Variants in PDCD10 observed in about 807,000 individuals in gnomAD.
PDCD10 encodes the protein programmed cell death 10.
In PDCD10, 4 loss-of-function variants were observed where a neutral mutation model predicts 29.2. The observed-to-expected ratio is 0.14, with a 90% CI of 0.07 to 0.31. The LOEUF is 0.31. Ranked by LOEUF, PDCD10 falls within the 10% of genes least tolerant of loss-of-function variation. The pLI is 1.00. For synonymous variants in PDCD10, 70 were observed against 82.2 expected (o/e 0.85, Z 0.80); for missense variants, 183 against 257.9 (o/e 0.71, Z 1.99).
intron 2 of PDCD10, among the ~76,000 whole-genome samples, chr3:167,731,500 A>G (rs2108512566): frequency 6.6e-6 from 1 of 152,346 alleles, no homozygotes; most frequent in South Asian, 2.1e-4. Context: ...CTCATTTGAA[A>G]GTTCTTATAT....
chr3:167,702,807 AT>A (rs1486996036), intron 4 of PDCD10, among the ~76,000 whole-genome samples: 1 of 152,170 alleles, frequency 6.6e-6, no homozygotes, highest in Non-Finnish European at 1.5e-5. Flanking sequence ...CATTTTTAAC[AT>A]GTCCTCCTTC....
rs1719763730 is a variant in PDCD10 at position 167,687,684 on chromosome 3, A to G, written c.405T>C (p.Ala135=). The G allele has an allele frequency of 1.9e-6, 3 of 1,541,844 alleles. No individual in the cohort carries two copies. Among genetic ancestry groups the G allele is most frequent in the Middle Eastern group, 1.7e-4 (1 of 5,960 alleles). ...TATCAAGAAGTTCTTTTATTGCACT[A>G]GCTATATCCCTGTTGGGAAAAGAAT... ...VRFLQTIKDI[A]SAIKELLDTV... The change falls in exon 7 of 9, where the codon GCT becomes GCC. Residue 135 remains alanine (A), a synonymous_variant. Coordinates refer to ENST00000392750, the MANE Select transcript of PDCD10 (RefSeq NM_007217.4).
At chr3:167,696,988 C>T in intron 5 of PDCD10, 21 bp downstream of exon 5, 1 of 1,182,546 alleles carries the variant, frequency 8.5e-7, no homozygotes, top group Non-Finnish European at 1.3e-6. Flanking sequence ...ATAACTTAAA[C>T]AAGGTTCTTC....
intron 5 of PDCD10, 95 bp downstream of exon 5, chr3:167,696,914 G>A (rs1428248730): frequency 1.0e-5 from 8 of 780,852 alleles, no homozygotes; most frequent in African/African-American, 1.7e-5. Context: ...AGGGAAAACA[G>A]TAGGGAAGGA....
intron 2 of PDCD10, among the ~76,000 whole-genome samples, chr3:167,731,957 C>G (rs1411086800): frequency 6.6e-6 from 1 of 151,992 alleles, no homozygotes. Context: ...TAAAGGCCAC[C>G]AAGTCAGGAA....
In PDCD10 at chr3:167,699,750, G is replaced by C. The variant is rs903760546; in HGVS notation, c.151-2624C>G. ...ATCGGAACCTCTCATAGAGGATAAG[G>C]GGGAGAGGGAATCAAGTAGAATATA... On this transcript the variant is annotated intron_variant, in intron 4 of 8. Coordinates refer to ENST00000392750, the MANE Select transcript of PDCD10 (RefSeq NM_007217.4). Among the ~76,000 whole-genome samples, 43 of 152,164 alleles carry C rather than the reference G, an allele frequency of 2.8e-4. 1 individual carries two copies. Among genetic ancestry groups the C allele is most frequent in the Admixed American group, 2.8e-3 (42 of 15,272 alleles).
chr3:167,734,730 T>C lies in PDCD10; in HGVS notation c.-322A>G, dbSNP rs1194842329. On this transcript the variant is annotated 5_prime_UTR_variant, in exon 1 of 9. It removes an upstream start codon present in the reference 5' UTR. Transcript: ENST00000392750. Reference sequence around the variant, plus strand: ...GAACCAAGCCCAAGTGCCTCAGCCATGGCCCCTGCGTGACCCTAGACCTCT... The same window carrying C: ...GAACCAAGCCCAAGTGCCTCAGCCACGGCCCCTGCGTGACCCTAGACCTCT... 1 of 154,452 alleles carries C rather than the reference T, an allele frequency of 6.5e-6. No individual in the cohort carries two copies. The highest frequency in any genetic ancestry group is 1.4e-5 in the Non-Finnish European group (1 of 69,546). 9.6% of individuals were successfully genotyped at this position (154,452 alleles called of 1,614,324 possible).
intron 4 of PDCD10, among the ~76,000 whole-genome samples, chr3:167,703,966 G>A (rs531509703): frequency 1.3e-5 from 2 of 151,994 alleles, no homozygotes; most frequent in Admixed American, 6.6e-5. Context: ...ATTTTAACTT[G>A]GAACATATCT....
At chr3:167,699,246 A>T (rs1359037080) in intron 4 of PDCD10, among the ~76,000 whole-genome samples, 1 of 152,294 alleles carries the variant, frequency 6.6e-6, no homozygotes, top group East Asian at 1.9e-4. Flanking sequence ...CAAAAAGTCC[A>T]GCTTCTCAAT....
chr3:167,716,251 G>A (rs1202384171), intron 3 of PDCD10, among the ~76,000 whole-genome samples: 2 of 151,872 alleles, frequency 1.3e-5, no homozygotes, highest in East Asian at 1.9e-4. Context: ...GAGATGGATG[G>A]TTACCAAAGG....
chr3:167,721,813 A>G (rs1723601057), intron 2 of PDCD10, among the ~76,000 whole-genome samples: 1 of 152,216 alleles, frequency 6.6e-6, no homozygotes, highest in African/African-American at 2.4e-5. Flanking sequence ...AAAGAATACC[A>G]TTACCTGATT....
At chr3:167,710,997 T>C (rs1049046951) in intron 3 of PDCD10, among the ~76,000 whole-genome samples, 4 of 152,194 alleles carry the variant, frequency 2.6e-5, no homozygotes, top group African/African-American at 9.7e-5. Flanking sequence ...CACAGCATTA[T>C]TGAGCTTGGG....
chr3:167,713,533 C>T (rs1161177729), intron 3 of PDCD10, among the ~76,000 whole-genome samples: 2 of 151,338 alleles, frequency 1.3e-5, no homozygotes, highest in African/African-American at 4.9e-5. Flanking sequence ...AAACCAAACC[C>T]AAAATTAGTA....
At chr3:167,712,986 G>A (rs764624790) in intron 3 of PDCD10, among the ~76,000 whole-genome samples, 1 of 152,064 alleles carries the variant, frequency 6.6e-6, no homozygotes, top group African/African-American at 2.4e-5. Flanking sequence ...TAGAGAGACT[G>A]AGCAAAATAC....
At chr3:167,706,774 C>T (rs905776200) in intron 3 of PDCD10, among the ~76,000 whole-genome samples, 6 of 152,194 alleles carry the variant, frequency 3.9e-5, no homozygotes, top group Non-Finnish European at 8.8e-5. Context: ...GTGTCCAGGA[C>T]AGTACCAGGC....
At chr3:167,686,688 G>A (rs530430117) in intron 8 of PDCD10, among the ~76,000 whole-genome samples, 12 of 152,100 alleles carry the variant, frequency 7.9e-5, no homozygotes, top group African/African-American at 1.4e-4. Flanking sequence ...TGGGACCCTC[G>A]AGCAATTTGC....
At chr3:167,718,142 AG>A (rs1723196254) in intron 3 of PDCD10, among the ~76,000 whole-genome samples, 1 of 152,140 alleles carries the variant, frequency 6.6e-6, no homozygotes. Context: ...TTACCAAGAT[AG>A]GTTACTCACT....
intron 2 of PDCD10, among the ~76,000 whole-genome samples, chr3:167,728,745 CAT>C (rs1280878212): frequency 6.6e-6 from 1 of 152,158 alleles, no homozygotes; most frequent in Non-Finnish European, 1.5e-5. Context: ...CAGTATTCTG[CAT>C]AGTCAGTCTA....
At chr3:167,688,678 TTC>T (rs1051042287) in intron 6 of PDCD10, among the ~76,000 whole-genome samples, 10 of 152,290 alleles carry the variant, frequency 6.6e-5, no homozygotes, top group Middle Eastern at 3.4e-3. Flanking sequence ...TTCACAGTCA[TTC>T]TCTTAGCTGT....
Sources: allele counts gnomAD v4.1 joint callset (sites outside exome capture counted in the v4.1 genomes callset), GRCh38; gene constraint gnomAD v4.1.1; transcripts MANE v1.5; gene names NCBI Gene and HGNC (gene_info 2026-07-23, HGNC 2026-07-21).